The following PTPN14 variants were observed in gnomAD, a reference collection of about 807,000 sequenced individuals.
The protein encoded by PTPN14 is tyrosine-protein phosphatase non-receptor type 14.
In PTPN14, 53 loss-of-function variants were observed where a neutral mutation model predicts 126.8. The ratio of observed to expected loss-of-function variants is 0.42; its 90% CI spans 0.34 to 0.53. The LOEUF is 0.53. Ranked by LOEUF, PTPN14 falls within the 20% of genes least tolerant of loss-of-function variation. The probability of loss-of-function intolerance (pLI) is 0.08; values close to 1 mark genes in which losing one functional copy is unlikely to be tolerated. For missense variants in PTPN14, 1,257 were observed against 1,552.9 expected (o/e 0.81, Z 3.20); for synonymous variants, 630 against 599.3 (o/e 1.05, Z -0.75).
At chr1:214,497,128 C>CG (rs1553272798) in intron 1 of PTPN14, among the ~76,000 whole-genome samples, 3 of 149,570 alleles carry the variant, frequency 2.0e-5, no homozygotes, top group Non-Finnish European at 3.0e-5. Context: ...GGTGGGGGGT[C>CG]GGGGGGAAGA....
At chr1:214,371,431 A>G (rs993282508) in intron 16 of PTPN14, among the ~76,000 whole-genome samples, 5 of 152,154 alleles carry the variant, frequency 3.3e-5, no homozygotes, top group Non-Finnish European at 7.3e-5. Context: ...TGAAACCCAC[A>G]CAAAGAGGAG....
chr1:214,457,192 A>T (rs886530895), intron 2 of PTPN14, among the ~76,000 whole-genome samples: 2 of 152,204 alleles, frequency 1.3e-5, no homozygotes, highest in Non-Finnish European at 2.9e-5. Flanking sequence ...AATGTGGAAA[A>T]TTTCTACTGT....
intron 3 of PTPN14, among the ~76,000 whole-genome samples, chr1:214,427,912 G>C (rs551777705): frequency 6.6e-6 from 1 of 152,284 alleles, no homozygotes; most frequent in Non-Finnish European, 1.5e-5. Flanking sequence ...ATGTTCAAGA[G>C]GTCAATGTAG....
At chr1:214,516,226 T>C (rs1448107323) in intron 1 of PTPN14, among the ~76,000 whole-genome samples, 1 of 152,212 alleles carries the variant, frequency 6.6e-6, no homozygotes, top group Non-Finnish European at 1.5e-5. Flanking sequence ...CCTTCCTTTT[T>C]TCACAGTTGA....
At chr1:214,444,151 A>T (rs1660094256) in intron 3 of PTPN14, among the ~76,000 whole-genome samples, 3 of 152,240 alleles carry the variant, frequency 2.0e-5, no homozygotes, top group Admixed American at 2.0e-4. Flanking sequence ...CTTCCCTCCA[A>T]GGTTGCACTG....
chr1:214,384,851 C>T lies in PTPN14; in HGVS notation c.1067-63G>A. ...CCATCCTGCCACAACAAAGTACATC[C>T]TCATACTCATGAGGTGACTTTTAAT... On this transcript the variant is annotated intron_variant, in intron 12 of 18. Transcript: ENST00000366956. The surrounding 1 kb of genome is among the most constrained non-coding windows in gnomAD (Gnocchi z 5.3). The T allele has an allele frequency of 5.2e-6, 8 of 1,537,688 alleles. No individual in the cohort carries two copies. The highest frequency in any genetic ancestry group is 2.3e-5 in the East Asian group (1 of 44,374).
At position 214,384,952 on chromosome 1, in the gene PTPN14, T is replaced by A. The variant is rs990614014; in HGVS notation, c.1067-164A>T. ...ATAGAATAACAGATACTATCTTGGA[T>A]GAAATGCCAACATACAGAAAGAACA... On this transcript the variant is annotated intron_variant, in intron 12 of 18. Transcript: ENST00000366956. This position sits in a 1 kb window ranked among gnomAD's most constrained non-coding sequence, Gnocchi z 5.3. 6.6e-6 allele frequency among the ~76,000 whole-genome samples: 1 copy of A among 152,184 alleles called. No homozygotes were observed. Among genetic ancestry groups the A allele is most frequent in the African/African-American group, 2.4e-5 (1 of 41,430 alleles).
chr1:214,375,712 T>TAA (rs1658328047), intron 15 of PTPN14, among the ~76,000 whole-genome samples: 1 of 152,230 alleles, frequency 6.6e-6, no homozygotes, highest in African/African-American at 2.4e-5. Flanking sequence ...AACCACACTT[T>TAA]TATAGTGTAG....
chr1:214,541,136 G>T (rs982325558), intron 1 of PTPN14, among the ~76,000 whole-genome samples: 2 of 151,626 alleles, frequency 1.3e-5, no homozygotes, highest in Non-Finnish European at 2.9e-5. Flanking sequence ...CTATTATTAG[G>T]GATATTATTA....
rs1485645459 is a variant in PTPN14 at position 214,353,227 on chromosome 1, T to C, written c.*4695A>G. ...AATCCATGGATGTTCAAGTCTTTTA[T>C]ATAAAATAGCACAGTATTTGCATAT... On this transcript the variant is annotated 3_prime_UTR_variant, in exon 19 of 19. Coordinates refer to ENST00000366956, the MANE Select transcript of PTPN14 (RefSeq NM_005401.5). The C allele has an allele frequency of 2.0e-5, 3 of 152,246 alleles. No individual in the cohort carries two copies. The highest frequency in any genetic ancestry group is 4.4e-5 in the Non-Finnish European group (3 of 68,048). 9.4% of individuals were successfully genotyped at this position (152,246 alleles called of 1,614,324 possible). A position where few individuals can be genotyped will look rare whatever the true frequency, so the allele number is the denominator to read the frequency against.
intron 1 of PTPN14, among the ~76,000 whole-genome samples, chr1:214,527,131 G>A (rs12127274): frequency 0.043 from 6,596 of 151,966 alleles, 291 homozygotes; most frequent in African/African-American, 0.12. Flanking sequence ...GATAAGGCAA[G>A]AAGGTGCGGA....
chr1:214,376,252 A>G lies in PTPN14; in HGVS notation c.2874T>C (p.Asn958=). 1 of 1,613,848 alleles carries G rather than the reference A, an allele frequency of 6.2e-7. No homozygotes were observed. ...GGGAGGCATTAATGTATCCTGTGTT[A>G]TTTTCTTTGGTTGGTATCAGCTCTA... ...NRVELIPTKE[N]NTGYINASHI... is the part of the protein sequence containing the mutation. The change falls in exon 15 of 19, where the codon AAT becomes AAC. Residue 958 remains asparagine, a synonymous_variant. Coordinates refer to ENST00000366956, the MANE Select transcript of PTPN14 (RefSeq NM_005401.5).
chr1:214,434,242 T>C (rs1659861994), intron 3 of PTPN14, among the ~76,000 whole-genome samples: 1 of 151,998 alleles, frequency 6.6e-6, no homozygotes, highest in African/African-American at 2.4e-5. Context: ...AAATTGGAGA[T>C]TGCAAGATGA....
chr1:214,450,108 A>G (rs1184128497), intron 3 of PTPN14, among the ~76,000 whole-genome samples: 1 of 145,862 alleles, frequency 6.9e-6, no homozygotes, highest in Admixed American at 6.8e-5. Context: ...ACTCCAGTGT[A>G]AGTGACAGAG....
chr1:214,484,439 TG>T (rs1167904744), intron 1 of PTPN14, among the ~76,000 whole-genome samples: 11 of 152,248 alleles, frequency 7.2e-5, no homozygotes, highest in Middle Eastern at 3.4e-3. Flanking sequence ...AACATGAATT[TG>T]GAATTAGAAG....
At chr1:214,471,805 T>A (rs1251539177) in intron 1 of PTPN14, among the ~76,000 whole-genome samples, 1 of 152,214 alleles carries the variant, frequency 6.6e-6, no homozygotes, top group Non-Finnish European at 1.5e-5. Context: ...AGACTAAATG[T>A]CCTCTGAAGA....
chr1:214,442,971 G>A (rs2102623063), intron 3 of PTPN14, among the ~76,000 whole-genome samples: 1 of 152,140 alleles, frequency 6.6e-6, no homozygotes, highest in South Asian at 2.1e-4. Flanking sequence ...TTACAGGTAT[G>A]TGCCACCATG....
At position 214,384,054 on chromosome 1, in the gene PTPN14, TC is replaced by T; in HGVS notation, c.1800del (p.Lys601ArgfsTer6). The T allele has an allele frequency of 6.3e-7, 1 of 1,584,850 alleles. No individual in the cohort carries two copies. Among genetic ancestry groups the T allele is most frequent in the Non-Finnish European group, 8.6e-7 (1 of 1,167,724 alleles). On this transcript the variant is annotated frameshift_variant, in exon 13 of 19. Transcript: ENST00000366956. LOFTEE classifies it high-confidence loss of function. This position sits in a 1 kb window ranked among gnomAD's most constrained non-coding sequence, Gnocchi z 5.3. ...AAGGTCTTCACCGAGAGCTGCACCT[TC>T]CGGGTCACCAGGTCCGGGCTGCTGC... is the stretch of plus-strand genomic sequence containing the variant. ...VSGSSPDLVT[R>X]KVQLSVKTFQ...
At chr1:214,522,740 C>T (rs949320818) in intron 1 of PTPN14, among the ~76,000 whole-genome samples, 5 of 152,120 alleles carry the variant, frequency 3.3e-5, no homozygotes, top group African/African-American at 7.2e-5. Flanking sequence ...CACCAGAGGG[C>T]AAAAGTAAAG....
Sources: allele counts gnomAD v4.1 joint callset (sites outside exome capture counted in the v4.1 genomes callset), GRCh38; gene constraint gnomAD v4.1.1; non-coding constraint Gnocchi (gnomAD v3.1); transcripts MANE v1.5; gene names NCBI Gene and HGNC (gene_info 2026-07-23, HGNC 2026-07-21).